ACTG1: variants seen among roughly 807,000 people sequenced by gnomAD.
ACTG1 encodes the protein actin gamma 1, also known as actin, cytoplasmic 2.
Under a neutral mutation model 34.3 loss-of-function variants are expected in ACTG1, and 14 were observed. That is an observed-to-expected ratio of 0.41 (90% confidence interval 0.27 to 0.64). The LOEUF (loss-of-function observed/expected upper bound fraction) is 0.64. Among genes scored for constraint, ACTG1 ranks in the 30% least tolerant of loss-of-function variants. ACTG1 has a pLI of 0.33. For synonymous variants in ACTG1, 422 were observed against 213.9 expected, an observed-to-expected ratio of 1.97 and a Z score of -8.49; for missense variants, 233 against 529.5, an observed-to-expected ratio of 0.44 and a Z score of 5.50.
chr17:81,511,746 G>A (rs782373568), intron 3 of ACTG1, 120 bp from the exon 4 acceptor site: 10 of 1,520,986 alleles, frequency 6.6e-6, no homozygotes, highest in Admixed American at 1.9e-5. Context: ...AACGCAGGCA[G>A]AAACCAAATG....
In ACTG1 at chr17:81,511,660, C is replaced by CAG. The variant is rs1555666857; in HGVS notation, c.364-36_364-35dup. 3.1e-6 allele frequency: 5 copies of CAG among 1,600,758 alleles called. No homozygotes were observed. The Admixed American group carries it at 5.1e-5, about 16-fold the overall frequency. On this transcript the variant is annotated intron_variant, in intron 3 of 5. Transcript: ENST00000573283. The stretch of plus-strand genomic sequence containing the variant: ...GGACAAGGGGCGGCTTAGTCAGGGA[C>CAG]AGAGACCCACGGCCACCCCATGCTC...
At chr17:81,511,712 T>C (rs2031793900) in intron 3 of ACTG1, 86 bp from the exon 4 acceptor site, 3 of 1,517,422 alleles carry the variant, frequency 2.0e-6, no homozygotes, top group African/African-American at 2.8e-5. Context: ...TGCATGCCAG[T>C]GTGATGTGTG....
rs782676918 is a variant in ACTG1, at chr17:81,511,169, T to A, written c.802+19A>T. The A allele has an allele frequency of 6.2e-7, 1 of 1,613,516 alleles. No homozygotes were observed. On this transcript the variant is annotated intron_variant, in intron 4 of 5. Coordinates refer to ENST00000573283, the MANE Select transcript of ACTG1 (RefSeq NM_001614.5). ...CACCGAGGATGTAAGAGTAGAAACC[T>A]TTAGCTCACAACACCTACCCAGGAA...
Position 81,510,684 on chromosome 17 carries a change from G to C in ACTG1, c.*6C>G, listed in dbSNP as rs782239083. The C allele has an allele frequency of 4.4e-5, 71 of 1,613,806 alleles. No homozygotes were observed. The highest frequency in any genetic ancestry group is 1.7e-4 in the Middle Eastern group (1 of 5,970). On this transcript the variant is annotated 3_prime_UTR_variant, in exon 6 of 6. Transcript: ENST00000573283. Reference sequence around the variant, plus strand: ...GCAGCAAATGCTACGCATCTGCTGAGTCCGTTTAGAAGCATTTGCGGTGGA... The same window carrying C: ...GCAGCAAATGCTACGCATCTGCTGACTCCGTTTAGAAGCATTTGCGGTGGA...
In ACTG1 at chr17:81,510,923, T is replaced by C. The variant is rs1555666455; in HGVS notation, c.984+4A>G. 1.9e-6 allele frequency: 3 copies of C among 1,614,012 alleles called. No individual in the cohort carries two copies. Among genetic ancestry groups the C allele is most frequent in the Non-Finnish European group, 2.5e-6 (3 of 1,179,982 alleles). On this transcript the variant is annotated splice_donor_region_variant and intron_variant, in intron 5 of 5. Coordinates refer to ENST00000573283, the MANE Select transcript of ACTG1 (RefSeq NM_001614.5). ...GGCAGAGGGCCACCAACCCCTCGAC[T>C]CACCTTGATCTTCATGGTGCTGGGC...
In ACTG1 at chr17:81,511,002, G is replaced by A. The variant is rs187127467; in HGVS notation, c.909C>T (p.Thr303=). The part of the protein sequence containing the change: ...LYANTVLSGG[T]TMYPGIADRM... ...TGTCGGCAATGCCCGGGTACATGGTGGTGCCGCCCGACAGCACCGTGTTGG... is the reference window on the plus strand; with the variant it reads ...TGTCGGCAATGCCCGGGTACATGGTAGTGCCGCCCGACAGCACCGTGTTGG... Residue 303 remains threonine (T), a synonymous_variant, in exon 5 of 6, where the codon ACC becomes ACT. Transcript: ENST00000573283. 140 of 1,614,058 alleles carry A rather than the reference G, an allele frequency of 8.7e-5. No homozygotes were observed. The Admixed American group carries it at 1.5e-3, about 17-fold the overall frequency.
chr17:81,512,387 G>A (rs370411532), intron 1 of ACTG1, 27 bp from the exon 2 acceptor site: 28 of 1,613,592 alleles, frequency 1.7e-5, no homozygotes, highest in South Asian at 8.8e-5. Flanking sequence ...GGACTCAGGC[G>A]GGCGCGTCTG....
In ACTG1 at chr17:81,511,456, C is replaced by T. The variant is rs140035543; in HGVS notation, c.534G>A (p.Leu178=). Reference sequence around the variant, plus strand: ...CGGTCAGGTCCCGGCCAGCCAGGTCCAGACGCAGGATGGCGTGGGGGAGGG... The same window carrying T: ...CGGTCAGGTCCCGGCCAGCCAGGTCTAGACGCAGGATGGCGTGGGGGAGGG... ...GYALPHAILR[L]DLAGRDLTDY... is the part of the protein sequence containing the mutation. The change falls in exon 4 of 6, where the codon CTG becomes CTA. Residue 178 remains leucine (L), a synonymous_variant. Coordinates refer to ENST00000573283, the MANE Select transcript of ACTG1 (RefSeq NM_001614.5). 32 of 1,613,922 alleles carry T rather than the reference C, an allele frequency of 2.0e-5. No homozygotes were observed. The highest frequency in any genetic ancestry group is 4.0e-5 in the African/African-American group (3 of 75,068).
At position 81,511,201 on chromosome 17, in the gene ACTG1, C is replaced by T. The variant is rs782325423; in HGVS notation, c.789G>A (p.Gln263=). The change falls in exon 4 of 6, where the codon CAG becomes CAA. Residue 263 remains glutamine, a synonymous_variant. Coordinates refer to ENST00000573283, the MANE Select transcript of ACTG1 (RefSeq NM_001614.5). ...CACAACACCTACCCAGGAAGGAAGG[C>T]TGGAACAGCGCCTCCGGACACCGGA... The part of the protein sequence containing the change: ...ERFRCPEALF[Q]PSFLGMESCG... 6.2e-7 allele frequency: 1 copy of T among 1,613,728 alleles called. No individual in the cohort carries two copies. Among genetic ancestry groups the T allele is most frequent in the South Asian group, 1.1e-5 (1 of 91,088 alleles).
rs1555667019 is a variant in ACTG1 at position 81,511,888 on chromosome 17, T to C, written c.363+15A>G. On this transcript the variant is annotated intron_variant, in intron 3 of 5. Transcript: ENST00000573283. The stretch of plus-strand genomic sequence containing the variant: ...GGAAAGGACGGGAGGAGCACGGGCG[T>C]CGGCCGAGCCTCACCTGAGTCATCT... The C allele has an allele frequency of 1.2e-6, 2 of 1,613,902 alleles. No individual in the cohort carries two copies. The highest frequency in any genetic ancestry group is 1.3e-5 in the African/African-American group (1 of 74,998).
At position 81,511,739 on chromosome 17, in the gene ACTG1, G is replaced by A. The variant is rs528555178; in HGVS notation, c.364-113C>T. Reference sequence around the variant, plus strand: ...TGATGTGTGGAGAAAAGAAAAGAACGCAGGCAGAAACCAAATGAGAAACCT... The same window carrying A: ...TGATGTGTGGAGAAAAGAAAAGAACACAGGCAGAAACCAAATGAGAAACCT... On this transcript the variant is annotated intron_variant, in intron 3 of 5. Coordinates refer to ENST00000573283, the MANE Select transcript of ACTG1 (RefSeq NM_001614.5). 956 of 1,513,422 alleles carry A rather than the reference G, an allele frequency of 6.3e-4. No homozygotes were observed. Among genetic ancestry groups the A allele is most frequent in the Middle Eastern group, 1.8e-3 (10 of 5,562 alleles). 93.7% of individuals were successfully genotyped at this position (1,513,422 alleles called of 1,614,324 possible). A position where few individuals can be genotyped will look rare whatever the true frequency, so the allele number is the denominator to read the frequency against.
intron 4 of ACTG1, 26 bp downstream of exon 4, chr17:81,511,162 A>G (rs2031742241): frequency 6.2e-7 from 1 of 1,613,634 alleles, no homozygotes; most frequent in South Asian, 1.1e-5. Context: ...ATGTAAGAGT[A>G]GAAACCTTTA....
Position 81,510,419 on chromosome 17 carries a change from A to C in ACTG1, c.*271T>G. 1 of 568,858 alleles carries C rather than the reference A, an allele frequency of 1.8e-6. No homozygotes were observed. Among genetic ancestry groups the C allele is most frequent in the Non-Finnish European group, 3.2e-6 (1 of 308,640 alleles). The allele number at this position is 568,858 out of a possible 1,614,324, so 35.2% of individuals were successfully genotyped here. A position where few individuals can be genotyped will look rare whatever the true frequency, so the allele number is the denominator to read the frequency against. On this transcript the variant is annotated 3_prime_UTR_variant, in exon 6 of 6. Transcript: ENST00000573283. ...ACGTTCTTACCTTAGCCACGAAGTG[A>C]CCAAGCCACACGTACTAAAGGTTGA...
chr17:81,511,878 A>T, intron 3 of ACTG1, 25 bp downstream of exon 3: 1 of 1,613,936 alleles, frequency 6.2e-7, no homozygotes, highest in East Asian at 2.2e-5. Flanking sequence ...GGACGGGAGG[A>T]GCACGGGCGT....
chr17:81,512,764 A>T lies in ACTG1; in HGVS notation c.-37T>A. Reference sequence around the variant, plus strand: ...GAGAAACGCGACGGCGGAGCGGCGGAAGAACAGAGTGCGAGAGCTGGCAGC... The same window carrying T: ...GAGAAACGCGACGGCGGAGCGGCGGTAGAACAGAGTGCGAGAGCTGGCAGC... On this transcript the variant is annotated 5_prime_UTR_variant, in exon 1 of 6. Transcript: ENST00000573283. 1 of 415,226 alleles carries T rather than the reference A, an allele frequency of 2.4e-6. No individual in the cohort carries two copies. The highest frequency in any genetic ancestry group is 1.7e-5 in the South Asian group (1 of 59,458). 25.7% of individuals were successfully genotyped at this position (415,226 alleles called of 1,614,324 possible).
intron 1 of ACTG1, 53 bp from the exon 2 acceptor site, chr17:81,512,413 C>A: frequency 2.5e-6 from 4 of 1,613,308 alleles, no homozygotes; most frequent in Non-Finnish European, 3.4e-6. Context: ...CGGTCCCCTC[C>A]CCACAGCCAC....
chr17:81,510,374 C>G lies in ACTG1; in HGVS notation c.*316G>C. On this transcript the variant is annotated 3_prime_UTR_variant, in exon 6 of 6. Coordinates refer to ENST00000573283, the MANE Select transcript of ACTG1 (RefSeq NM_001614.5). ...CTGGCCACACAGACTCACCAAGCCA[C>G]AGACTTGTCTTCCACAAGCACGTTC... 2.1e-6 allele frequency: 1 copy of G among 474,684 alleles called. No individual in the cohort carries two copies. The highest frequency in any genetic ancestry group is 1.8e-5 in the South Asian group (1 of 55,984). 29.4% of individuals were successfully genotyped at this position (474,684 alleles called of 1,614,324 possible). A position where few individuals can be genotyped will look rare whatever the true frequency, so the allele number is the denominator to read the frequency against.
At position 81,512,049 on chromosome 17, in the gene ACTG1, G is replaced by A. The variant is rs2031830970; in HGVS notation, c.217C>T (p.His73Tyr). 1 of 1,614,022 alleles carries A rather than the reference G, an allele frequency of 6.2e-7. No homozygotes were observed. Among genetic ancestry groups the A allele is most frequent in the Non-Finnish European group, 8.5e-7 (1 of 1,180,036 alleles). ...TCGTCCCAGTTGGTGACGATGCCAT[G>A]CTCAATGGGGTACTTCAGGGTCAGG... ...GILTLKYPIE[H>Y]GIVTNWDDME... Residue 73 changes from histidine (H) to tyrosine (Y), a missense_variant, in exon 3 of 6, where the codon CAT (histidine) becomes TAT (tyrosine). Physicochemically the swap from His to Tyr is moderately conservative, Grantham distance 83. Transcript: ENST00000573283.
Position 81,510,068 on chromosome 17 carries a change from C to G in ACTG1, c.*622G>C, listed in dbSNP as rs1207096731. ...GTAGAAAACCAAAATTTGTTGTCATCTCTTCAAAGAATCGAGAATTGCGTA... is the reference window on the plus strand; with the variant it reads ...GTAGAAAACCAAAATTTGTTGTCATGTCTTCAAAGAATCGAGAATTGCGTA... On this transcript the variant is annotated 3_prime_UTR_variant, in exon 6 of 6. Transcript: ENST00000573283. The G allele has an allele frequency of 4.4e-6, 2 of 454,446 alleles. No homozygotes were observed. The highest frequency in any genetic ancestry group is 1.4e-4 in the East Asian group (2 of 14,370). 28.2% of individuals were successfully genotyped at this position (454,446 alleles called of 1,614,324 possible).
Sources: allele counts gnomAD v4.1 joint callset, GRCh38; gene constraint gnomAD v4.1.1; transcripts MANE v1.5; gene names NCBI Gene and HGNC (gene_info 2026-07-23, HGNC 2026-07-21).